ASPH: variants seen among roughly 807,000 people sequenced by gnomAD.
ASPH encodes the protein aspartyl/asparaginyl beta-hydroxylase.
A neutral mutation model predicts 118.4 loss-of-function variants in ASPH; 100 were observed. The observed-to-expected ratio is 0.84, with a 90% confidence interval of 0.72 to 1.00. The LOEUF (loss-of-function observed/expected upper bound fraction) is 1.00, where lower values mean the gene tolerates loss of function less well. Among genes scored for constraint, ASPH ranks in the 50% least tolerant of loss-of-function variants. The probability of loss-of-function intolerance (pLI) is 0.00; values close to 1 mark genes in which losing one functional copy is unlikely to be tolerated. For missense variants in ASPH, 920 were observed against 919.5 expected, an observed-to-expected ratio of 1.00 and a Z score of -0.01; for synonymous variants, 315 against 325.6, an observed-to-expected ratio of 0.97 and a Z score of 0.35.
intron 14 of ASPH, 70 bp from the exon 15 acceptor site, chr8:61,584,099 A>G: frequency 9.9e-7 from 1 of 1,005,450 alleles, no homozygotes; most frequent in Non-Finnish European, 1.4e-6. Context: ...ATAACAATTT[A>G]CAAGTAGTGG....
chr8:61,661,891 ATT>A, intron 3 of ASPH: 1 of 449,090 alleles, frequency 2.2e-6, no homozygotes, highest in Non-Finnish European at 4.0e-6. Flanking sequence ...TCATTGTGAA[ATT>A]TTGAGACGAT....
chr8:61,615,146 T>C (rs1848617460), intron 14 of ASPH, among the ~76,000 whole-genome samples: 1 of 152,166 alleles, frequency 6.6e-6, no homozygotes, highest in African/African-American at 2.4e-5. Flanking sequence ...TCTCATGCAC[T>C]CCTGCACTCT....
chr8:61,682,718 A>T (rs979441358), intron 2 of ASPH, among the ~76,000 whole-genome samples: 2 of 152,192 alleles, frequency 1.3e-5, no homozygotes, highest in African/African-American at 4.8e-5. Flanking sequence ...AAGACAGATT[A>T]CAAATAAGCA....
rs201525788 is a variant in ASPH at position 61,598,469 on chromosome 8, T to C, written c.977-14440A>G. Among the ~76,000 whole-genome samples, 4 of 152,308 alleles carry C rather than the reference T, an allele frequency of 2.6e-5. No individual in the cohort carries two copies. The East Asian group carries it at 7.7e-4, about 29-fold the overall frequency. Reference sequence around the variant, plus strand: ...CTTCAAGAGGACATAATTCCACATATATATGCATCCAGATATATAAAGCAA... The same window carrying C: ...CTTCAAGAGGACATAATTCCACATACATATGCATCCAGATATATAAAGCAA... On this transcript the variant is annotated intron_variant, in intron 14 of 24. Transcript: ENST00000379454.
intron 1 of ASPH, among the ~76,000 whole-genome samples, chr8:61,688,846 T>C (rs1236287920): frequency 6.6e-6 from 1 of 152,212 alleles, no homozygotes; most frequent in Non-Finnish European, 1.5e-5. Context: ...CATATTCTTC[T>C]TCATGGCTAC....
At chr8:61,660,649 C>A (rs1816420337) in intron 3 of ASPH, 1 of 152,160 alleles carries the variant, frequency 6.6e-6, no homozygotes, top group South Asian at 2.1e-4. Context: ...CTGGGCTTTA[C>A]AATTATGTGA....
chr8:61,702,943 G>T (rs538238816), intron 1 of ASPH, among the ~76,000 whole-genome samples: 1 of 152,214 alleles, frequency 6.6e-6, no homozygotes, highest in South Asian at 2.1e-4. Flanking sequence ...AGAAGCAGGG[G>T]GAGAGGATAG....
intron 17 of ASPH, 91 bp downstream of exon 17, chr8:61,567,077 G>A (rs958272822): frequency 1.3e-5 from 19 of 1,450,022 alleles, no homozygotes; most frequent in Non-Finnish European, 1.4e-5. Flanking sequence ...TTTCTCCCAC[G>A]TAATTCTTCT....
chr8:61,606,174 T>G (rs1256443014), intron 14 of ASPH, among the ~76,000 whole-genome samples: 1 of 152,204 alleles, frequency 6.6e-6, no homozygotes, highest in Non-Finnish European at 1.5e-5. Context: ...GCAGTATGAA[T>G]CAAAGTGACA....
chr8:61,594,061 T>C (rs1331682003), intron 14 of ASPH, among the ~76,000 whole-genome samples: 4 of 152,146 alleles, frequency 2.6e-5, no homozygotes, highest in African/African-American at 9.7e-5. Context: ...GAAATAAACC[T>C]GAAATAAACC....
At chr8:61,651,214 T>A in intron 4 of ASPH, 90 bp from the exon 5 acceptor site, 1 of 1,026,798 alleles carries the variant, frequency 9.7e-7, no homozygotes, top group Non-Finnish European at 1.5e-6. Context: ...TACATACACA[T>A]TAAAATGAAT....
In ASPH at chr8:61,634,554, C is replaced by T. The variant is rs1392004417; in HGVS notation, c.890-827G>A. ...AAACAGAATATTTGGAAATATTTCA[C>T]ATAAAAGTAATTGAAAACAGCAACA... On this transcript the variant is annotated intron_variant, in intron 12 of 24. Transcript: ENST00000379454. 3.3e-5 allele frequency among the ~76,000 whole-genome samples: 5 copies of T among 152,268 alleles called. No homozygotes were observed. The East Asian group carries it at 9.6e-4, about 29-fold the overall frequency.
chr8:61,615,937 T>C (rs549545496), intron 14 of ASPH, among the ~76,000 whole-genome samples: 4 of 152,332 alleles, frequency 2.6e-5, no homozygotes, highest in South Asian at 4.1e-4. Context: ...CAGTATCATA[T>C]GAATCGATTT....
At chr8:61,702,816 A>G (rs1479779548) in intron 1 of ASPH, among the ~76,000 whole-genome samples, 2 of 152,332 alleles carry the variant, frequency 1.3e-5, no homozygotes, top group Admixed American at 6.5e-5. Flanking sequence ...TAGAGCATCT[A>G]TTGTTATCAT....
intron 3 of ASPH, among the ~76,000 whole-genome samples, chr8:61,662,280 A>G (rs1817310377): frequency 6.6e-6 from 1 of 152,206 alleles, no homozygotes; most frequent in African/African-American, 2.4e-5. Flanking sequence ...ATTTGTAATC[A>G]AGTCACAATA....
intron 3 of ASPH, chr8:61,675,875 T>G (rs531493821): frequency 1.4e-6 from 2 of 1,381,452 alleles, no homozygotes; most frequent in Admixed American, 6.3e-5. Flanking sequence ...GAGTACCATT[T>G]TCTTCAATAG....
At chr8:61,682,825 T>C (rs1237411941) in intron 2 of ASPH, among the ~76,000 whole-genome samples, 2 of 152,120 alleles carry the variant, frequency 1.3e-5, no homozygotes, top group African/African-American at 4.8e-5. Flanking sequence ...GGAAGTCCAA[T>C]GCAAGGGGAT....
intron 3 of ASPH, among the ~76,000 whole-genome samples, chr8:61,670,304 TG>T (rs1201961237): frequency 5.9e-5 from 9 of 151,594 alleles, no homozygotes; most frequent in African/African-American, 2.2e-4. Context: ...TGTGTTTGTT[TG>T]TTTTTTTTTT....
intron 3 of ASPH, among the ~76,000 whole-genome samples, chr8:61,676,824 C>G (rs1825646245): frequency 6.6e-6 from 1 of 152,014 alleles, no homozygotes; most frequent in African/African-American, 2.4e-5. Context: ...CCTCCCCCCA[C>G]CACCACCCCA....
Sources: allele counts gnomAD v4.1 joint callset (sites outside exome capture counted in the v4.1 genomes callset), GRCh38; gene constraint gnomAD v4.1.1; transcripts MANE v1.5; gene names NCBI Gene and HGNC (gene_info 2026-07-23, HGNC 2026-07-21).